XAB2: variants seen among roughly 807,000 people sequenced by gnomAD.
The protein encoded by XAB2 is pre-mRNA-splicing factor SYF1.
A neutral mutation model predicts 113.4 loss-of-function variants in XAB2; 57 were observed. The observed-to-expected ratio is 0.50, with a 90% CI of 0.41 to 0.63. The LOEUF (loss-of-function observed/expected upper bound fraction) is 0.63, where lower values mean the gene tolerates loss of function less well. Ranked by LOEUF, XAB2 falls within the 20% of genes least tolerant of loss-of-function variation. The pLI is 0.00. For synonymous variants in XAB2, 497 were observed against 498.8 expected (o/e 1.00, Z 0.05); for missense variants, 1,037 against 1,233.3 (o/e 0.84, Z 2.38).
chr19:7,628,174 C>G lies in XAB2; in HGVS notation c.176G>C (p.Arg59Pro), dbSNP rs2031182083. The change falls in exon 2 of 19, where the codon CGG becomes CCG. Residue 59 changes from arginine to proline, a missense_variant. By Grantham distance (103) the Arg-to-Pro change is moderately radical. Transcript: ENST00000358368. This position sits in a 1 kb window ranked among gnomAD's most constrained non-coding sequence, Gnocchi z 4.6. Reference sequence around the variant, plus strand: ...CCTGCAGGGCAGCAGCTTGAGTGCCCGCTCGTATAGCTGATTGAGCCTGGG... The same window carrying G: ...CCTGCAGGGCAGCAGCTTGAGTGCCGGCTCGTATAGCTGATTGAGCCTGGG... ...PKPRLNQLYERALKLLPCSYK... is the reference protein window; with the variant it reads ...PKPRLNQLYEPALKLLPCSYK... 3 of 1,613,664 alleles carry G rather than the reference C, an allele frequency of 1.9e-6. No individual in the cohort carries two copies. The highest frequency in any genetic ancestry group is 2.5e-6 in the Non-Finnish European group (3 of 1,179,834).
chr19:7,626,217 C>A lies in XAB2; in HGVS notation c.576G>T (p.Arg192=). The A allele has an allele frequency of 6.2e-7, 1 of 1,613,756 alleles. No homozygotes were observed. Among genetic ancestry groups the A allele is most frequent in the Non-Finnish European group, 8.5e-7 (1 of 1,180,014 alleles). ...EYIEYLKSSD[R]LDEAAQRLAT... ...CCAGGCGCTGGGCGGCCTCATCCAG[C>A]CGGTCACTTGACTTGAGGTACTCAA... Residue 192 remains arginine, a synonymous_variant, in exon 5 of 19, where the codon CGG becomes CGT. Transcript: ENST00000358368.
chr19:7,624,642 G>A lies in XAB2; in HGVS notation c.823-197C>T, dbSNP rs2031102835. 1.3e-5 allele frequency among the ~76,000 whole-genome samples: 2 copies of A among 152,126 alleles called. 1 individual carries two copies. Among genetic ancestry groups the A allele is most frequent in the South Asian group, 4.1e-4 (2 of 4,824 alleles). On this transcript the variant is annotated intron_variant, in intron 6 of 18. Coordinates refer to ENST00000358368, the MANE Select transcript of XAB2 (RefSeq NM_020196.3). The surrounding 1 kb of genome is among the most constrained non-coding windows in gnomAD (Gnocchi z 4.2). ...CCGCCCTGCCCTGCACTGCCAGGGTGGTCTTGGGAGCTTCAGGACCTCCTC... is the reference window on the plus strand; with the variant it reads ...CCGCCCTGCCCTGCACTGCCAGGGTAGTCTTGGGAGCTTCAGGACCTCCTC...
rs539962673 is a variant in XAB2 at position 7,619,737 on chromosome 19, G to A, written c.2506+10C>T. 40 of 1,613,220 alleles carry A rather than the reference G, an allele frequency of 2.5e-5. No homozygotes were observed. Among genetic ancestry groups the A allele is most frequent in the South Asian group, 5.5e-5 (5 of 91,064 alleles). On this transcript the variant is annotated intron_variant, in intron 18 of 18. Transcript: ENST00000358368. ...TAATGCCACCGTCCCCGCCCCAGCC[G>A]GGCCCTCACCGTTGGGCTCCAGGTC...
At position 7,623,316 on chromosome 19, in the gene XAB2, T is replaced by C; in HGVS notation, c.1120-27A>G. On this transcript the variant is annotated intron_variant, in intron 8 of 18. Transcript: ENST00000358368. This position sits in a 1 kb window ranked among gnomAD's most constrained non-coding sequence, Gnocchi z 4.6. Reference sequence around the variant, plus strand: ...TGGGGACAGGAGGGAGGAGGTCATATAGGACTCAGGACCCTGCAGATGACG... The same window carrying C: ...TGGGGACAGGAGGGAGGAGGTCATACAGGACTCAGGACCCTGCAGATGACG... 8.7e-6 allele frequency: 14 copies of C among 1,612,084 alleles called. No individual in the cohort carries two copies. The highest frequency in any genetic ancestry group is 3.3e-5 in the South Asian group (3 of 91,066).
chr19:7,627,509 G>A lies in XAB2; in HGVS notation c.325-69C>T, dbSNP rs2031165305. ...CATGGCCTGGCCACAGACACTCGAT[G>A]TCCTGTGGCTGAGCCACACCTGGGG... is the stretch of plus-strand genomic sequence containing the variant. On this transcript the variant is annotated intron_variant, in intron 3 of 18. Coordinates refer to ENST00000358368, the MANE Select transcript of XAB2 (RefSeq NM_020196.3). The surrounding 1 kb of genome is among the most constrained non-coding windows in gnomAD (Gnocchi z 4.5). 1.3e-6 allele frequency: 2 copies of A among 1,556,432 alleles called. No individual in the cohort carries two copies. The highest frequency in any genetic ancestry group is 1.8e-5 in the Admixed American group (1 of 54,440).
Position 7,619,954 on chromosome 19 carries a change from C to T in XAB2, c.2388G>A (p.Leu796=). ...CAAGGATCCGCCCTCACCTCACGAA[C>T]AGGATCTTGCTCTGGGCGCGCAAGG... is the stretch of plus-strand genomic sequence containing the variant. ...DQPLRAQSKI[L]FVRSDASREE... The change falls in exon 17 of 19, where the codon CTG becomes CTA. Residue 796 remains leucine, a synonymous_variant. Transcript: ENST00000358368. 2 of 1,611,526 alleles carry T rather than the reference C, an allele frequency of 1.2e-6. No individual in the cohort carries two copies. Among genetic ancestry groups the T allele is most frequent in the Non-Finnish European group, 1.7e-6 (2 of 1,179,942 alleles).
intron 1 of XAB2, 78 bp downstream of exon 1, chr19:7,629,399 G>C (rs1263314617): frequency 6.5e-7 from 1 of 1,530,698 alleles, no homozygotes; most frequent in Admixed American, 2.0e-5. Context: ...TCTCCTTGCC[G>C]ACCCAGCCTC....
Position 7,622,323 on chromosome 19 carries a change from C to G in XAB2, c.1617+8G>C. 6.2e-7 allele frequency: 1 copy of G among 1,614,010 alleles called. No homozygotes were observed. The highest frequency in any genetic ancestry group is 8.5e-7 in the Non-Finnish European group (1 of 1,179,944). ...TCAGGGGCCTCTGGGTCCACCCTAG[C>G]CCCTCACCTTGAAGCTCTCCTCGAA... On this transcript the variant is annotated splice_region_variant and intron_variant, in intron 12 of 18. Transcript: ENST00000358368.
Position 7,623,593 on chromosome 19 carries a change from C to G in XAB2, c.1119+138G>C. ...GGCGGGGCTCGGGCAGGAGGAGAAC[C>G]CCAAGAACAGGGGTGGAATTGGACC... is the stretch of plus-strand genomic sequence containing the variant. On this transcript the variant is annotated intron_variant, in intron 8 of 18. Transcript: ENST00000358368. This position sits in a 1 kb window ranked among gnomAD's most constrained non-coding sequence, Gnocchi z 4.6. 7.0e-6 allele frequency: 9 copies of G among 1,286,310 alleles called. No homozygotes were observed. Among genetic ancestry groups the G allele is most frequent in the Non-Finnish European group, 9.5e-6 (9 of 945,486 alleles). 79.7% of individuals were successfully genotyped at this position (1,286,310 alleles called of 1,614,324 possible). A position where few individuals can be genotyped will look rare whatever the true frequency, so the allele number is the denominator to read the frequency against.
Position 7,623,096 on chromosome 19 carries a change from A to T in XAB2, c.1239+74T>A. The T allele has an allele frequency of 6.3e-7, 1 of 1,591,238 alleles. No homozygotes were observed. Among genetic ancestry groups the T allele is most frequent in the Non-Finnish European group, 8.6e-7 (1 of 1,168,018 alleles). On this transcript the variant is annotated intron_variant, in intron 9 of 18. Transcript: ENST00000358368. The surrounding 1 kb of genome is among the most constrained non-coding windows in gnomAD (Gnocchi z 4.6). ...CACACATCCATGCACAAATATGTAC[A>T]CACACATACATGCACACATATACAA...
chr19:7,623,122 GCA>G lies in XAB2; in HGVS notation c.1239+46_1239+47del, dbSNP rs1202359174. 8 of 1,604,888 alleles carry G rather than the reference GCA, an allele frequency of 5.0e-6. No individual in the cohort carries two copies. The East Asian group carries it at 6.7e-5, about 13-fold the overall frequency. On this transcript the variant is annotated intron_variant, in intron 9 of 18. Transcript: ENST00000358368. The surrounding 1 kb of genome is among the most constrained non-coding windows in gnomAD (Gnocchi z 4.6). ...CACACATACATGCACACATATACAA[GCA>G]CACACACATGCATGAACACACAGGC...
At chr19:7,629,438 C>T in intron 1 of XAB2, 39 bp downstream of exon 1, 2 of 1,570,684 alleles carry the variant, frequency 1.3e-6, no homozygotes, top group Non-Finnish European at 1.7e-6. Flanking sequence ...GGTCCCAATG[C>T]CCCAACGCAG....
Position 7,624,586 on chromosome 19 carries a change from A to T in XAB2, c.823-141T>A, listed in dbSNP as rs1459293915. On this transcript the variant is annotated intron_variant, in intron 6 of 18. Coordinates refer to ENST00000358368, the MANE Select transcript of XAB2 (RefSeq NM_020196.3). The surrounding 1 kb of genome is among the most constrained non-coding windows in gnomAD (Gnocchi z 4.2). ...TCCAGCACCTCTGGGTAGTGACCCC[A>T]GGACAGAGCCTCCGTGGAGCCTTCT... 9 of 1,301,126 alleles carry T rather than the reference A, an allele frequency of 6.9e-6. No homozygotes were observed. Among genetic ancestry groups the T allele is most frequent in the African/African-American group, 1.5e-5 (1 of 68,488 alleles). The allele number at this position is 1,301,126 out of a possible 1,614,324, so 80.6% of individuals were successfully genotyped here. A position where few individuals can be genotyped will look rare whatever the true frequency, so the allele number is the denominator to read the frequency against.
rs1308120167 is a variant in XAB2 at position 7,623,269 on chromosome 19, C to T, written c.1140G>A (p.Glu380=). The change falls in exon 9 of 19, where the codon GAG becomes GAA. Residue 380 remains glutamate, a synonymous_variant. Transcript: ENST00000358368. This position sits in a 1 kb window ranked among gnomAD's most constrained non-coding sequence, Gnocchi z 4.6. ...TGAAGGGGTCCACCGTCTGCACAGC[C>T]TCTGTGTAGGTGTTGATGATCTGGG... The part of the protein sequence containing the change: ...RPREIINTYT[E]AVQTVDPFKA... 6.2e-7 allele frequency: 1 copy of T among 1,613,696 alleles called. No individual in the cohort carries two copies. Among genetic ancestry groups the T allele is most frequent in the South Asian group, 1.1e-5 (1 of 91,090 alleles).
chr19:7,620,454 G>A lies in XAB2; in HGVS notation c.2095-8C>T, dbSNP rs1226684777. On this transcript the variant is annotated splice_polypyrimidine_tract_variant and splice_region_variant and intron_variant, in intron 15 of 18. Coordinates refer to ENST00000358368, the MANE Select transcript of XAB2 (RefSeq NM_020196.3). Reference sequence around the variant, plus strand: ...CCAGAACGCGCCGGTCGTCTGCGTGGGGGGCAGGGCAGGGGTGGGTGTGTG... The same window carrying A: ...CCAGAACGCGCCGGTCGTCTGCGTGAGGGGCAGGGCAGGGGTGGGTGTGTG... The A allele has an allele frequency of 1.9e-6, 3 of 1,608,734 alleles. No individual in the cohort carries two copies. Among genetic ancestry groups the A allele is most frequent in the East Asian group, 2.2e-5 (1 of 44,798 alleles).
intron 13 of XAB2, 23 bp downstream of exon 13, chr19:7,621,112 C>A (rs757834618): frequency 6.4e-7 from 1 of 1,561,346 alleles, no homozygotes; most frequent in Non-Finnish European, 8.7e-7. Context: ...CGCCACCCCC[C>A]CCATGCCCTC....
rs4134824 is a variant in XAB2, at chr19:7,627,246, G to A, written c.519C>T (p.Leu173=). The part of the protein sequence containing the change: ...ETAVRGYRRF[L]KLSPESAEEY... ...CCAGCGCACCTGCTAGGCTCACCTTGAGGAAGCGCCGATAGCCTCGCACAG... is the reference window on the plus strand; with the variant it reads ...CCAGCGCACCTGCTAGGCTCACCTTAAGGAAGCGCCGATAGCCTCGCACAG... Residue 173 remains leucine, a synonymous_variant, in exon 4 of 19, where the codon CTC becomes CTT. Coordinates refer to ENST00000358368, the MANE Select transcript of XAB2 (RefSeq NM_020196.3). This position sits in a 1 kb window ranked among gnomAD's most constrained non-coding sequence, Gnocchi z 4.5. 1.5e-3 allele frequency: 2,453 copies of A among 1,612,384 alleles called. 35 individuals carry two copies. In the African/African-American group the frequency reaches 0.029, roughly 19 times the overall value.
Position 7,627,583 on chromosome 19 carries a change from A to G in XAB2, c.325-143T>C. 6.6e-7 allele frequency: 1 copy of G among 1,511,496 alleles called. No individual in the cohort carries two copies. The highest frequency in any genetic ancestry group is 9.0e-7 in the Non-Finnish European group (1 of 1,114,340). The allele number at this position is 1,511,496 out of a possible 1,614,324, so 93.6% of individuals were successfully genotyped here. A position where few individuals can be genotyped will look rare whatever the true frequency, so the allele number is the denominator to read the frequency against. On this transcript the variant is annotated intron_variant, in intron 3 of 18. Coordinates refer to ENST00000358368, the MANE Select transcript of XAB2 (RefSeq NM_020196.3). This position sits in a 1 kb window ranked among gnomAD's most constrained non-coding sequence, Gnocchi z 4.5. ...CCAGAAACCCCCAGCTCCAGGACTG[A>G]GTCCAGCCCAACTTCCCATGCAAAG... is the stretch of plus-strand genomic sequence containing the variant.
chr19:7,627,208 C>T lies in XAB2; in HGVS notation c.522+35G>A. The T allele has an allele frequency of 6.2e-7, 1 of 1,605,048 alleles. No individual in the cohort carries two copies. The highest frequency in any genetic ancestry group is 8.5e-7 in the Non-Finnish European group (1 of 1,178,432). On this transcript the variant is annotated intron_variant, in intron 4 of 18. Coordinates refer to ENST00000358368, the MANE Select transcript of XAB2 (RefSeq NM_020196.3). This position sits in a 1 kb window ranked among gnomAD's most constrained non-coding sequence, Gnocchi z 4.5. ...GTCACAGTGAGGCCGTTTCTGGAAA[C>T]TAACCTGGGGAACCAGCGCACCTGC...
Sources: allele counts gnomAD v4.1 joint callset (sites outside exome capture counted in the v4.1 genomes callset), GRCh38; gene constraint gnomAD v4.1.1; non-coding constraint Gnocchi (gnomAD v3.1); transcripts MANE v1.5; gene names NCBI Gene and HGNC (gene_info 2026-07-23, HGNC 2026-07-21).